The following IMMP2L variants were observed in gnomAD, a reference collection of about 807,000 sequenced individuals.
The protein encoded by IMMP2L is inner mitochondrial membrane peptidase subunit 2.
In IMMP2L, 18 loss-of-function variants were observed where a neutral mutation model predicts 19.3. The observed-to-expected ratio is 0.93, with a 90% CI of 0.64 to 1.38. The LOEUF is 1.38. Ranked by LOEUF, IMMP2L falls within the 40% of genes most tolerant of loss-of-function variation. The probability of loss-of-function intolerance (pLI) is 0.00; values close to 1 mark genes in which losing one functional copy is unlikely to be tolerated. For missense variants in IMMP2L, 233 were observed against 218.2 expected, an observed-to-expected ratio of 1.07 and a Z score of -0.43; for synonymous variants, 76 against 73.0, an observed-to-expected ratio of 1.04 and a Z score of -0.21.
At chr7:111,111,989 C>A (rs1294289208) in intron 3 of IMMP2L, among the ~76,000 whole-genome samples, 4 of 134,232 alleles carry the variant, frequency 3.0e-5, no homozygotes, top group Non-Finnish European at 4.6e-5. Context: ...GCTCTGTCTC[C>A]CAGGCTGGAG....
At chr7:110,887,681 G>A (rs1810361097) in intron 4 of IMMP2L, among the ~76,000 whole-genome samples, 1 of 149,780 alleles carries the variant, frequency 6.7e-6, no homozygotes. Context: ...AAAGAGACAG[G>A]CTTACAATAA....
chr7:110,943,975 G>C (rs973290663), intron 4 of IMMP2L, among the ~76,000 whole-genome samples: 1 of 151,960 alleles, frequency 6.6e-6, no homozygotes, highest in African/African-American at 2.4e-5. Context: ...TTAAAGATAA[G>C]GAGTTGGGAT....
intron 3 of IMMP2L, among the ~76,000 whole-genome samples, chr7:111,410,013 A>C (rs375303957): frequency 6.6e-6 from 1 of 151,802 alleles, no homozygotes; most frequent in Admixed American, 6.6e-5. Flanking sequence ...GATGGCTGGA[A>C]TTTGTGGGAC....
At chr7:111,227,180 C>T (rs1199072513) in intron 3 of IMMP2L, among the ~76,000 whole-genome samples, 3 of 152,068 alleles carry the variant, frequency 2.0e-5, no homozygotes, top group African/African-American at 7.2e-5. Context: ...TTGCCACACA[C>T]CACCACCTGG....
chr7:110,688,032 C>G (rs1793240065), intron 5 of IMMP2L, among the ~76,000 whole-genome samples: 1 of 151,952 alleles, frequency 6.6e-6, no homozygotes, highest in South Asian at 2.1e-4. Flanking sequence ...GCCACACTGA[C>G]AGTCCCTGGA....
intron 3 of IMMP2L, among the ~76,000 whole-genome samples, chr7:111,226,471 T>G (rs1407022334): frequency 6.6e-6 from 1 of 152,000 alleles, no homozygotes; most frequent in Non-Finnish European, 1.5e-5. Flanking sequence ...CCTGGCTGTT[T>G]CTCACTTTCT....
intron 3 of IMMP2L, among the ~76,000 whole-genome samples, chr7:111,175,166 A>C (rs1286948856): frequency 6.6e-6 from 1 of 151,804 alleles, no homozygotes; most frequent in Non-Finnish European, 1.5e-5. Context: ...CAGCATCCTA[A>C]TTACTGTCTT....
At chr7:110,951,023 A>G (rs1014569535) in intron 4 of IMMP2L, among the ~76,000 whole-genome samples, 4 of 151,728 alleles carry the variant, frequency 2.6e-5, no homozygotes, top group Non-Finnish European at 5.9e-5. Flanking sequence ...AGCCAGTTAC[A>G]GAGGGACAAA....
chr7:111,372,170 G>A (rs946663101), intron 3 of IMMP2L, among the ~76,000 whole-genome samples: 11 of 151,894 alleles, frequency 7.2e-5, no homozygotes, highest in Non-Finnish European at 1.5e-4. Context: ...AATGCTTGAG[G>A]AAATGGATAC....
intron 5 of IMMP2L, among the ~76,000 whole-genome samples, chr7:110,881,781 C>A (rs1809667175): frequency 6.6e-6 from 1 of 151,830 alleles, no homozygotes; most frequent in African/African-American, 2.4e-5. Context: ...AGAATATTTT[C>A]AATGCAGCTG....
intron 5 of IMMP2L, among the ~76,000 whole-genome samples, chr7:110,777,537 CTA>C (rs1799472884): frequency 6.6e-6 from 1 of 151,938 alleles, no homozygotes; most frequent in Admixed American, 6.6e-5. Context: ...TATGAATATT[CTA>C]TACCAAAGAT....
In IMMP2L at chr7:111,532,075, A is replaced by C. The variant is rs1847444575; in HGVS notation, c.-2-10626T>G. On this transcript the variant is annotated intron_variant, in intron 1 of 5. Transcript: ENST00000405709. ...TAGAAGAAGTGAGATAGGGGAAATA[A>C]GAAAAAGGTAGTAACACTCAGAACC... Among the ~76,000 whole-genome samples, 3 of 152,286 alleles carry C rather than the reference A, an allele frequency of 2.0e-5. No homozygotes were observed. In the South Asian group the frequency reaches 6.2e-4, roughly 32 times the overall value.
At chr7:111,424,002 G>T (rs1835837859) in intron 3 of IMMP2L, among the ~76,000 whole-genome samples, 1 of 151,862 alleles carries the variant, frequency 6.6e-6, no homozygotes, top group South Asian at 2.1e-4. Context: ...TGTTTCAGCT[G>T]TAGAGATAAC....
rs1554501300 is a variant in IMMP2L at position 111,048,254 on chromosome 7, A to AAAAG, written c.240-84690_240-84689insCTTT. On this transcript the variant is annotated intron_variant, in intron 3 of 5. Transcript: ENST00000405709. Reference sequence around the variant, plus strand: ...ACTCTGTCTCAAAAAAAAAAAAAAAAAAAAAAAAAAAGAAAAAAAGAAAAA... The same window carrying AAAAG: ...ACTCTGTCTCAAAAAAAAAAAAAAAAAAAGAAAAAAAAAAAGAAAAAAAGAAAAA... 5.0e-4 allele frequency among the ~76,000 whole-genome samples: 60 copies of AAAAG among 120,674 alleles called. 2 individuals carry two copies. The highest frequency in any genetic ancestry group is 7.6e-4 in the Non-Finnish European group (45 of 59,172). 79.2% of individuals were successfully genotyped at this position (120,674 alleles called of 152,430 possible).
intron 1 of IMMP2L, among the ~76,000 whole-genome samples, chr7:111,553,063 C>T (rs997264318): frequency 2.6e-5 from 4 of 152,090 alleles, no homozygotes; most frequent in African/African-American, 9.7e-5. Context: ...TCCAGAGAAC[C>T]AAGCAAGGAC....
chr7:110,786,490 C>T (rs1584823804), intron 5 of IMMP2L, among the ~76,000 whole-genome samples: 1 of 151,812 alleles, frequency 6.6e-6, no homozygotes, highest in East Asian at 1.9e-4. Context: ...GGAAATGAAA[C>T]AAGACTGTTT....
rs914806982 is a variant in IMMP2L, at chr7:110,896,698, T to G, written c.306-10003A>C. Among the ~76,000 whole-genome samples the G allele has an allele frequency of 2.6e-5, 4 of 152,186 alleles. No homozygotes were observed. The East Asian group carries it at 7.7e-4, about 29-fold the overall frequency. ...GGTATTATTGCATTTGTTTAGAAAA[T>G]CTTCTCTGAAAATAATTTACTGGGT... On this transcript the variant is annotated intron_variant, in intron 4 of 5. Transcript: ENST00000405709.
At chr7:111,503,063 T>C (rs888236263) in intron 2 of IMMP2L, among the ~76,000 whole-genome samples, 4 of 151,968 alleles carry the variant, frequency 2.6e-5, no homozygotes, top group East Asian at 1.9e-4. Flanking sequence ...ACAAAATCGA[T>C]AGACTGCTAG....
At chr7:110,963,066 T>C (rs1819138581) in intron 4 of IMMP2L, 4 of 1,527,248 alleles carry the variant, frequency 2.6e-6, no homozygotes, top group Admixed American at 2.0e-5. Context: ...TTCTGTTTCA[T>C]ATCCTTTTCA....
Sources: allele counts gnomAD v4.1 joint callset (sites outside exome capture counted in the v4.1 genomes callset), GRCh38; gene constraint gnomAD v4.1.1; transcripts MANE v1.5; gene names NCBI Gene and HGNC (gene_info 2026-07-23, HGNC 2026-07-21).